FRAS1: variants seen among roughly 807,000 people sequenced by gnomAD.
FRAS1 encodes the protein extracellular matrix organizing protein FRAS1.
FRAS1 carries 290 observed loss-of-function variants against 435.2 expected under a neutral mutation model. The observed-to-expected ratio is 0.67, with a 90% CI of 0.61 to 0.73. The LOEUF (loss-of-function observed/expected upper bound fraction) is 0.73, where lower values mean the gene tolerates loss of function less well. Ranked by LOEUF, FRAS1 falls within the 30% of genes least tolerant of loss-of-function variation. FRAS1 has a pLI of 0.00. For missense variants in FRAS1, 4,860 were observed against 5,001.5 expected, an observed-to-expected ratio of 0.97 and a Z score of 0.85; for synonymous variants, 1,800 against 1,851.0, an observed-to-expected ratio of 0.97 and a Z score of 0.71.
chr4:78,447,977 A>G, intron 43 of FRAS1, 76 bp from the exon 44 acceptor site: 1 of 1,362,546 alleles, frequency 7.3e-7, no homozygotes, highest in Non-Finnish European at 9.8e-7. Context: ...CTACTTGGAA[A>G]AATCAGACAA....
rs182075331 is a variant in FRAS1, at chr4:78,473,259, A to T, written c.7523-179A>T. The stretch of plus-strand genomic sequence containing the variant: ...ATCTTTTTTTTCACAGAGCTTCAGG[A>T]TTTTATTTTAAAATCTGACAGAAAC... On this transcript the variant is annotated intron_variant, in intron 52 of 73. Coordinates refer to ENST00000512123, the MANE Select transcript of FRAS1 (RefSeq NM_025074.7). Among the ~76,000 whole-genome samples, 5 of 152,182 alleles carry T rather than the reference A, an allele frequency of 3.3e-5. No homozygotes were observed. In the East Asian group the frequency reaches 9.7e-4, roughly 29 times the overall value.
chr4:78,525,526 A>G (rs1721507438), intron 69 of FRAS1, among the ~76,000 whole-genome samples: 1 of 152,212 alleles, frequency 6.6e-6, no homozygotes, highest in Non-Finnish European at 1.5e-5. Context: ...GATGTGACAT[A>G]AAAGTTTTAT....
chr4:78,301,690 G>T (rs75257449), intron 14 of FRAS1, among the ~76,000 whole-genome samples: 5 of 152,002 alleles, frequency 3.3e-5, no homozygotes, highest in African/African-American at 7.3e-5. Flanking sequence ...AAGGCAAGGG[G>T]GTGGAGGACC....
intron 37 of FRAS1, among the ~76,000 whole-genome samples, chr4:78,431,184 G>A (rs567303606): frequency 6.6e-6 from 1 of 152,284 alleles, no homozygotes; most frequent in Admixed American, 6.5e-5. Context: ...GCTAATCTTT[G>A]CTACTGATGG....
At chr4:78,207,770 C>T (rs866606480) in intron 2 of FRAS1, among the ~76,000 whole-genome samples, 8 of 152,162 alleles carry the variant, frequency 5.3e-5, no homozygotes, top group East Asian at 1.9e-4. Flanking sequence ...CTTTCCTCTG[C>T]GTTCAAGGTC....
At chr4:78,473,962 G>C (rs1719789098) in intron 53 of FRAS1, among the ~76,000 whole-genome samples, 1 of 152,186 alleles carries the variant, frequency 6.6e-6, no homozygotes. Context: ...GTGCTCTACT[G>C]CTGCTCAGAC....
intron 53 of FRAS1, among the ~76,000 whole-genome samples, chr4:78,475,100 C>T (rs1309690613): frequency 6.6e-6 from 1 of 152,200 alleles, no homozygotes; most frequent in Non-Finnish European, 1.5e-5. Flanking sequence ...TGTGATTACT[C>T]AACCCCAGGA....
intron 47 of FRAS1, among the ~76,000 whole-genome samples, chr4:78,458,703 T>C (rs1719279379): frequency 6.6e-6 from 1 of 152,130 alleles, no homozygotes; most frequent in Non-Finnish European, 1.5e-5. Context: ...TAAAATAATT[T>C]TTTTAAACCT....
Position 78,220,528 on chromosome 4 carries a change from T to A in FRAS1, c.109-16982T>A, listed in dbSNP as rs75253695. ...AAGTCCAGGCAGTTCTAAAAAAATA[T>A]GTTGTCTACTATGAGTATAGCTACA... On this transcript the variant is annotated intron_variant, in intron 2 of 73. Coordinates refer to ENST00000512123, the MANE Select transcript of FRAS1 (RefSeq NM_025074.7). Among the ~76,000 whole-genome samples the A allele has an allele frequency of 1.0e-3, 153 of 152,334 alleles. 2 individuals carry two copies. In the East Asian group the frequency reaches 0.028, roughly 28 times the overall value.
intron 2 of FRAS1, among the ~76,000 whole-genome samples, chr4:78,113,793 A>T (rs1444969559): frequency 6.6e-6 from 1 of 152,102 alleles, no homozygotes; most frequent in African/African-American, 2.4e-5. Context: ...GGTCTCTCTG[A>T]TGGTAGTTTC....
At position 78,464,459 on chromosome 4, in the gene FRAS1, A is replaced by G; in HGVS notation, c.6905A>G (p.His2302Arg). ...DGVSEVTQTF[H>R]ITLHPVDDSL... Reference sequence around the variant, plus strand: ...CCATTCTAGGTGACTCAGACTTTCCATATCACTCTTCACCCTGTCGATGAT... The same window carrying G: ...CCATTCTAGGTGACTCAGACTTTCCGTATCACTCTTCACCCTGTCGATGAT... Residue 2302 changes from histidine to arginine, a missense_variant, in exon 49 of 74, where the codon CAT (histidine) becomes CGT (arginine). By Grantham distance (29) the His-to-Arg change is conservative. Transcript: ENST00000512123. 5.0e-6 allele frequency: 8 copies of G among 1,614,008 alleles called. No individual in the cohort carries two copies. Among genetic ancestry groups the G allele is most frequent in the Non-Finnish European group, 6.8e-6 (8 of 1,179,870 alleles).
At chr4:78,274,733 A>G (rs1348070247) in intron 9 of FRAS1, among the ~76,000 whole-genome samples, 1 of 152,140 alleles carries the variant, frequency 6.6e-6, no homozygotes, top group Non-Finnish European at 1.5e-5. Context: ...TTTACTTCCA[A>G]CTATGTGGTT....
chr4:78,394,360 T>C (rs963115727), intron 29 of FRAS1, among the ~76,000 whole-genome samples: 1 of 152,082 alleles, frequency 6.6e-6, no homozygotes. Flanking sequence ...TCTGTTTAAG[T>C]CTTTAACCCA....
rs553069667 is a variant in FRAS1, at chr4:78,488,600, T to C, written c.8753-275T>C. On this transcript the variant is annotated intron_variant, in intron 58 of 73. Coordinates refer to ENST00000512123, the MANE Select transcript of FRAS1 (RefSeq NM_025074.7). ...TTGACTTGCATTACCTGCTCATATT[T>C]GAGATGGTGACAGCATTTTGAAGTT... 4.6e-5 allele frequency among the ~76,000 whole-genome samples: 7 copies of C among 152,338 alleles called. No individual in the cohort carries two copies. The East Asian group carries it at 1.2e-3, about 25-fold the overall frequency.
At chr4:78,257,183 C>T (rs1259341150) in intron 6 of FRAS1, among the ~76,000 whole-genome samples, 1 of 152,182 alleles carries the variant, frequency 6.6e-6, no homozygotes, top group Non-Finnish European at 1.5e-5. Flanking sequence ...GTAACTTGCT[C>T]AAAGTGTCAG....
intron 70 of FRAS1, 64 bp downstream of exon 70, chr4:78,526,721 T>A: frequency 5.8e-6 from 6 of 1,033,180 alleles, no homozygotes; most frequent in Non-Finnish European, 7.0e-6. Flanking sequence ...TCCTACTCAC[T>A]AAAATTTATT....
intron 2 of FRAS1, among the ~76,000 whole-genome samples, chr4:78,196,930 G>A (rs2110071023): frequency 6.6e-6 from 1 of 152,272 alleles, no homozygotes; most frequent in East Asian, 1.9e-4. Context: ...TTGAGAATGA[G>A]CAAAAATTGG....
intron 26 of FRAS1, among the ~76,000 whole-genome samples, chr4:78,376,313 C>G (rs1731758388): frequency 6.6e-6 from 1 of 152,110 alleles, no homozygotes; most frequent in Admixed American, 6.6e-5. Flanking sequence ...CTACTACACA[C>G]CAAGGCTATA....
At chr4:78,512,248 G>A (rs1483878445) in intron 64 of FRAS1, among the ~76,000 whole-genome samples, 1 of 152,142 alleles carries the variant, frequency 6.6e-6, no homozygotes, top group Non-Finnish European at 1.5e-5. Flanking sequence ...TTAAGTGTGT[G>A]CCTTTATGAA....
Sources: allele counts gnomAD v4.1 joint callset (sites outside exome capture counted in the v4.1 genomes callset), GRCh38; gene constraint gnomAD v4.1.1; transcripts MANE v1.5; gene names NCBI Gene and HGNC (gene_info 2026-07-23, HGNC 2026-07-21).